ZFHX3: variants seen among roughly 807,000 people sequenced by gnomAD.
ZFHX3 encodes zinc finger homeobox 3.
In ZFHX3, 42 loss-of-function variants were observed where a neutral mutation model predicts 279.1. The observed-to-expected ratio is 0.15, with a 90% CI of 0.12 to 0.19. The LOEUF (loss-of-function observed/expected upper bound fraction) is 0.19. Among genes scored for constraint, ZFHX3 ranks in the 10% least tolerant of loss-of-function variants. The pLI is 1.00. For missense variants in ZFHX3, 4,981 were observed against 4,754.0 expected, an observed-to-expected ratio of 1.05 and a Z score of -1.40; for synonymous variants, 2,293 against 1,957.8, an observed-to-expected ratio of 1.17 and a Z score of -4.52.
chr16:73,028,651 T>A (rs1964594557), intron 1 of ZFHX3, among the ~76,000 whole-genome samples: 3 of 152,170 alleles, frequency 2.0e-5, no homozygotes, highest in Admixed American at 2.0e-4. Flanking sequence ...GGAGGGATTC[T>A]CAAGCTCTGC....
intron 2 of ZFHX3, among the ~76,000 whole-genome samples, chr16:73,595,736 A>T (rs2052042062): frequency 1.3e-5 from 2 of 152,142 alleles, no homozygotes; most frequent in Admixed American, 1.3e-4. Flanking sequence ...AGTCACTTGA[A>T]CTGACTTTAC....
In ZFHX3 at chr16:73,864,675, G is replaced by A. The variant is rs139815794; in HGVS notation, c.-1608+26976C>T. ...GTGGAGGTTGCAGTGAGCCAAGATCGCCCCACTGCACTCCCACCCAGACAA... is the reference window on the plus strand; with the variant it reads ...GTGGAGGTTGCAGTGAGCCAAGATCACCCCACTGCACTCCCACCCAGACAA... On this transcript the variant is annotated intron_variant, in intron 1 of 17. Transcript: ENST00000641206. Among the ~76,000 whole-genome samples, 201 of 152,156 alleles carry A rather than the reference G, an allele frequency of 1.3e-3. 2 individuals carry two copies. The highest frequency in any genetic ancestry group is 4.7e-3 in the African/African-American group (194 of 41,510).
At chr16:73,630,369 A>C (rs2052456948) in intron 2 of ZFHX3, among the ~76,000 whole-genome samples, 1 of 152,210 alleles carries the variant, frequency 6.6e-6, no homozygotes, top group African/African-American at 2.4e-5. Flanking sequence ...CTTCATGTAC[A>C]TTGCTTTTCT....
chr16:72,787,084 C>CAGTT lies in ZFHX3; in HGVS notation c.*76_*79dup, dbSNP rs1351480794. 9.6e-7 allele frequency: 1 copy of CAGTT among 1,042,054 alleles called. No individual in the cohort carries two copies. The highest frequency in any genetic ancestry group is 1.2e-6 in the Non-Finnish European group (1 of 814,336). The allele number at this position is 1,042,054 out of a possible 1,614,324, so 64.6% of individuals were successfully genotyped here. On this transcript the variant is annotated 3_prime_UTR_variant, in exon 10 of 10. Coordinates refer to ENST00000268489, the MANE Select transcript of ZFHX3 (RefSeq NM_006885.4). ...TTTTTGGTTAGAAGCTTTGGAATTGCAGTTAGTCTATTTTTGAAATTGGTT... is the reference window on the plus strand; with the variant it reads ...TTTTTGGTTAGAAGCTTTGGAATTGCAGTTAGTTAGTCTATTTTTGAAATTGGTT...
At chr16:73,129,176 G>A (rs1008854924) in intron 7 of ZFHX3, among the ~76,000 whole-genome samples, 1 of 152,010 alleles carries the variant, frequency 6.6e-6, no homozygotes, top group African/African-American at 2.4e-5. Context: ...ACTTGAGGTC[G>A]GGAGTTTCTA....
At chr16:73,251,793 TGCAC>T (rs2013501349) in intron 5 of ZFHX3, among the ~76,000 whole-genome samples, 1 of 81,634 alleles carries the variant, frequency 1.2e-5, no homozygotes, top group Non-Finnish European at 2.2e-5. Flanking sequence ...GCACACACCA[TGCAC>T]ACACGCACAC....
intron 1 of ZFHX3, among the ~76,000 whole-genome samples, chr16:73,758,994 C>T (rs1037768418): frequency 3.9e-5 from 6 of 152,228 alleles, no homozygotes; most frequent in Non-Finnish European, 7.3e-5. Context: ...TAATCCAGGT[C>T]TACCTGATAC....
intron 2 of ZFHX3, among the ~76,000 whole-genome samples, chr16:73,667,173 G>A (rs1010940419): frequency 6.6e-6 from 1 of 151,878 alleles, no homozygotes; most frequent in Non-Finnish European, 1.5e-5. Flanking sequence ...TGTATTTTTA[G>A]TAGAGATGGG....
intron 5 of ZFHX3, among the ~76,000 whole-genome samples, chr16:73,181,591 C>G (rs1425419870): frequency 1.3e-5 from 2 of 152,128 alleles, no homozygotes; most frequent in African/African-American, 4.8e-5. Flanking sequence ...AAATTTTGCC[C>G]TTGTAACCCA....
chr16:73,723,350 G>A (rs1304555103), intron 1 of ZFHX3, among the ~76,000 whole-genome samples: 1 of 152,216 alleles, frequency 6.6e-6, no homozygotes, highest in Admixed American at 6.5e-5. Flanking sequence ...ATTGATTCCA[G>A]TGCTGTTCAG....
chr16:72,808,880 T>C (rs763256499), intron 7 of ZFHX3, among the ~76,000 whole-genome samples: 3 of 152,202 alleles, frequency 2.0e-5, no homozygotes, highest in Non-Finnish European at 2.9e-5. Flanking sequence ...TATCAAACAT[T>C]GGTATGCAAA....
At chr16:73,631,429 A>G (rs1803327976) in intron 2 of ZFHX3, among the ~76,000 whole-genome samples, 1 of 152,202 alleles carries the variant, frequency 6.6e-6, no homozygotes, top group Non-Finnish European at 1.5e-5. Context: ...CCATGTATCT[A>G]CCATCTTATC....
At chr16:73,282,810 G>A (rs143586533) in intron 4 of ZFHX3, among the ~76,000 whole-genome samples, 9 of 152,104 alleles carry the variant, frequency 5.9e-5, no homozygotes, top group East Asian at 5.8e-4. Flanking sequence ...AACATGATGC[G>A]GTTGCATAAA....
chr16:73,144,115 A>G (rs1567401351), intron 5 of ZFHX3, among the ~76,000 whole-genome samples: 1 of 152,214 alleles, frequency 6.6e-6, no homozygotes, highest in Non-Finnish European at 1.5e-5. Flanking sequence ...GCCAACCTCA[A>G]GACAGCATCT....
chr16:73,334,574 T>C (rs1567453384), intron 3 of ZFHX3, among the ~76,000 whole-genome samples: 1 of 152,040 alleles, frequency 6.6e-6, no homozygotes, highest in Non-Finnish European at 1.5e-5. Flanking sequence ...GGGGCCATTG[T>C]TCTGCCCGCT....
intron 2 of ZFHX3, among the ~76,000 whole-genome samples, chr16:73,649,928 A>G (rs984807037): frequency 6.6e-6 from 1 of 152,216 alleles, no homozygotes; most frequent in African/African-American, 2.4e-5. Context: ...TGTGGTTCAG[A>G]TAGATCTGGA....
intron 2 of ZFHX3, among the ~76,000 whole-genome samples, chr16:73,560,591 T>C (rs1345961224): frequency 6.6e-6 from 1 of 152,214 alleles, no homozygotes; most frequent in African/African-American, 2.4e-5. Flanking sequence ...AATCCAGGTC[T>C]GGAGGATAAA....
chr16:72,836,712 A>C (rs549157130), intron 4 of ZFHX3, among the ~76,000 whole-genome samples: 1 of 152,268 alleles, frequency 6.6e-6, no homozygotes, highest in East Asian at 1.9e-4. Flanking sequence ...AGCAGAGTAT[A>C]TACATTTACT....
intron 2 of ZFHX3, among the ~76,000 whole-genome samples, chr16:73,512,259 C>T (rs2019442390): frequency 7.8e-6 from 1 of 128,560 alleles, no homozygotes. Context: ...GAAACCCTGT[C>T]TCCACTAAAA....
Sources: gnomAD v4.1 joint callset for allele counts (sites outside exome capture counted in the v4.1 genomes callset) on GRCh38, gnomAD v4.1.1 for gene constraint, MANE v1.5 for transcripts, NCBI Gene and HGNC (gene_info 2026-07-23, HGNC 2026-07-21) for gene names.